BLTP1: variants seen among roughly 807,000 people sequenced by gnomAD.
BLTP1 encodes the protein bridge-like lipid transfer protein family member 1.
the BLTP1 span, chr4:122,274,617 A>G: frequency 2.0e-6 from 2 of 981,292 alleles, no homozygotes; most frequent in Non-Finnish European, 2.4e-6. Flanking sequence ...TTGTCTTTCT[A>G]AAATTGGTGG....
At chr4:122,222,975 G>A in the BLTP1 span, 4 of 959,032 alleles carry the variant, frequency 4.2e-6, no homozygotes, top group Non-Finnish European at 5.0e-6. Flanking sequence ...GTAATTTTGA[G>A]ATTAAAAAAT....
At chr4:122,175,917 G>A in the BLTP1 span, 1 of 1,355,136 alleles carries the variant, frequency 7.4e-7, no homozygotes, top group African/African-American at 1.4e-5. Flanking sequence ...GCAACATGGT[G>A]AGTTTTCATT....
the BLTP1 span, chr4:122,325,419 C>T: frequency 2.1e-6 from 3 of 1,411,464 alleles, no homozygotes; most frequent in Non-Finnish European, 2.8e-6. Flanking sequence ...TGATTTCTTA[C>T]TATAATCAAA....
At chr4:122,283,294 A>G in the BLTP1 span, among the ~76,000 whole-genome samples, 1 of 151,750 alleles carries the variant, frequency 6.6e-6, no homozygotes, top group Non-Finnish European at 1.5e-5. Context: ...TATATAACCA[A>G]TGATCTCAGC....
At chr4:122,221,801 A>G in the BLTP1 span, 2 of 984,622 alleles carry the variant, frequency 2.0e-6, no homozygotes, top group Non-Finnish European at 2.4e-6. Flanking sequence ...GGAAATTAAT[A>G]AAGGGAAAAG....
the BLTP1 span, chr4:122,198,578 G>T: frequency 3.2e-6 from 1 of 315,354 alleles, no homozygotes; most frequent in East Asian, 1.7e-4. Context: ...GAGGACTGAG[G>T]AGTCAATATC....
chr4:122,349,902 A>G, the BLTP1 span: 27 of 1,613,602 alleles, frequency 1.7e-5, no homozygotes, highest in Admixed American at 4.5e-4. The surrounding 1 kb of genome is among the most constrained non-coding windows in gnomAD (Gnocchi z 4.5). Flanking sequence ...TTTTCCAAGT[A>G]ATGATATCAA....
chr4:122,291,798 C>T, the BLTP1 span: 9 of 976,340 alleles, frequency 9.2e-6, no homozygotes, highest in Non-Finnish European at 1.1e-5. Context: ...ATAATAGCGT[C>T]TCTTATGGTT....
At chr4:122,347,773 C>T in the BLTP1 span, 5 of 1,611,836 alleles carry the variant, frequency 3.1e-6, no homozygotes, top group African/African-American at 2.7e-5. Flanking sequence ...TTCAGTTCCT[C>T]GAAGAGGTAA....
the BLTP1 span, among the ~76,000 whole-genome samples, chr4:122,177,491 C>T: frequency 3.9e-5 from 6 of 152,276 alleles, no homozygotes; most frequent in South Asian, 1.2e-3. Context: ...CGTGGCTTCC[C>T]ATCTCACTCA....
At chr4:122,207,441 T>A in the BLTP1 span, 1 of 1,460,616 alleles carries the variant, frequency 6.8e-7, no homozygotes, top group South Asian at 1.4e-5. Context: ...AACTTAATTT[T>A]GTTTAGTTGT....
At chr4:122,349,331 A>G in the BLTP1 span, 1 of 1,607,506 alleles carries the variant, frequency 6.2e-7, no homozygotes, top group Non-Finnish European at 8.5e-7. The surrounding 1 kb of genome is among the most constrained non-coding windows in gnomAD (Gnocchi z 4.5). Flanking sequence ...TTGAAATTTT[A>G]AAACTGACCT....
the BLTP1 span, chr4:122,315,612 C>A: frequency 6.2e-7 from 1 of 1,614,004 alleles, no homozygotes. Context: ...GATGACATTG[C>A]TGACTTAAAT....
chr4:122,350,544 A>T, the BLTP1 span: 1 of 203,786 alleles, frequency 4.9e-6, no homozygotes. Context: ...TCAGATTCTA[A>T]TGGGAGAGAA....
At chr4:122,227,446 G>A in the BLTP1 span, 1 of 985,306 alleles carries the variant, frequency 1.0e-6, no homozygotes, top group Non-Finnish European at 1.2e-6. Flanking sequence ...TTTGGGGAGG[G>A]AGGCATTTTC....
the BLTP1 span, chr4:122,199,345 GT>G: frequency 1.9e-6 from 3 of 1,608,732 alleles, no homozygotes; most frequent in Non-Finnish European, 2.6e-6. Flanking sequence ...TAGTTTTTAT[GT>G]TTTTATTATT....
the BLTP1 span, among the ~76,000 whole-genome samples, chr4:122,179,367 G>T: frequency 1.3e-5 from 2 of 152,032 alleles, no homozygotes; most frequent in African/African-American, 4.8e-5. Context: ...ACCTTTATTT[G>T]TTCTCTTGTT....
chr4:122,218,865 A>C, the BLTP1 span, among the ~76,000 whole-genome samples: 5 of 152,304 alleles, frequency 3.3e-5, no homozygotes, highest in South Asian at 6.2e-4. Context: ...ATTTTTATTA[A>C]AGCTGTTAAA....
chr4:122,337,061 T>C, the BLTP1 span: 1 of 1,513,262 alleles, frequency 6.6e-7, no homozygotes. Flanking sequence ...TAAAGAGAAA[T>C]GTTTTTCTTA....
Sources: allele counts gnomAD v4.1 joint callset (sites outside exome capture counted in the v4.1 genomes callset), GRCh38; gene constraint gnomAD v4.1.1; non-coding constraint Gnocchi (gnomAD v3.1); transcripts MANE v1.5; gene names NCBI Gene and HGNC (gene_info 2026-07-23, HGNC 2026-07-21).